NFIA: variants seen among roughly 807,000 people sequenced by gnomAD.
The protein encoded by NFIA is nuclear factor 1 A-type.
Under a neutral mutation model 62.8 loss-of-function variants are expected in NFIA, and 8 were observed. The observed-to-expected ratio is 0.13, with a 90% CI of 0.07 to 0.23. The LOEUF (loss-of-function observed/expected upper bound fraction) is 0.23. Ranked by LOEUF, NFIA falls within the 10% of genes least tolerant of loss-of-function variation. The pLI is 1.00. For synonymous variants in NFIA, 235 were observed against 238.1 expected, an observed-to-expected ratio of 0.99 and a Z score of 0.12; for missense variants, 410 against 642.1, an observed-to-expected ratio of 0.64 and a Z score of 3.91.
chr1:61,405,614 G>A (rs184728972), intron 8 of NFIA, among the ~76,000 whole-genome samples: 1 of 152,232 alleles, frequency 6.6e-6, no homozygotes, highest in East Asian at 1.9e-4. Context: ...AAAAAACTGA[G>A]CTGATCACCA....
Position 61,201,248 on chromosome 1 carries a change from G to A in NFIA, c.560-76272G>A, listed in dbSNP as rs916364888. 1.4e-4 allele frequency among the ~76,000 whole-genome samples: 21 copies of A among 152,246 alleles called. 1 individual carries two copies. Among genetic ancestry groups the A allele is most frequent in the African/African-American group, 4.8e-4 (20 of 41,552 alleles). On this transcript the variant is annotated intron_variant, in intron 2 of 10. Transcript: ENST00000403491. ...ATTGTTGATAATTTTATGAGCCATTGTACTAATTTTAATCGACACATCCGC... is the reference window on the plus strand; with the variant it reads ...ATTGTTGATAATTTTATGAGCCATTATACTAATTTTAATCGACACATCCGC...
rs11336299 is a variant in NFIA, at chr1:61,453,443, CTTTTTTTT to C, written c.1513-1843_1513-1836del. 1.6e-3 allele frequency among the ~76,000 whole-genome samples: 128 copies of C among 78,900 alleles called. 1 individual carries two copies. The East Asian group carries it at 0.042, about 26-fold the overall frequency. 51.8% of individuals were successfully genotyped at this position (78,900 alleles called of 152,430 possible). A position where few individuals can be genotyped will look rare whatever the true frequency, so the allele number is the denominator to read the frequency against. On this transcript the variant is annotated intron_variant, in intron 10 of 10. Transcript: ENST00000403491. ...CTGAATAGTAAGATGTGTGAAGAAACTTTTTTTTTTTTTTTTTTTTTTTTGCTTTGCTT... is the reference window on the plus strand; with the variant it reads ...CTGAATAGTAAGATGTGTGAAGAAACTTTTTTTTTTTTTTTTGCTTTGCTT...
chr1:61,241,054 A>C (rs2100645251), intron 2 of NFIA, among the ~76,000 whole-genome samples: 1 of 151,296 alleles, frequency 6.6e-6, no homozygotes, highest in Admixed American at 6.6e-5. Context: ...GTGCTGCATG[A>C]CTCCTTAAGA....
At position 61,241,981 on chromosome 1, in the gene NFIA, C is replaced by T. The variant is rs1034011758; in HGVS notation, c.560-35539C>T. Among the ~76,000 whole-genome samples the T allele has an allele frequency of 1.6e-4, 24 of 152,082 alleles. 1 individual carries two copies. ...GATCGAAGAGCGTTAACTAAGACTTCGGGCTGTGCCTTTTTGTACTGCTTG... is the reference window on the plus strand; with the variant it reads ...GATCGAAGAGCGTTAACTAAGACTTTGGGCTGTGCCTTTTTGTACTGCTTG... On this transcript the variant is annotated intron_variant, in intron 2 of 10. Transcript: ENST00000403491.
chr1:61,413,811 G>A (rs796382560), intron 9 of NFIA, among the ~76,000 whole-genome samples: 1 of 151,054 alleles, frequency 6.6e-6, no homozygotes, highest in African/African-American at 2.4e-5. Context: ...ATTTTTTAGT[G>A]GAGACAGGGT....
intron 2 of NFIA, among the ~76,000 whole-genome samples, chr1:61,184,146 A>C (rs946961833): frequency 5.4e-5 from 6 of 110,102 alleles, no homozygotes; most frequent in African/African-American, 9.5e-5. Context: ...AAAAAAACCC[A>C]AAAAAACAAA....
intron 2 of NFIA, among the ~76,000 whole-genome samples, chr1:61,234,626 G>T (rs1306770870): frequency 1.3e-5 from 2 of 152,082 alleles, no homozygotes; most frequent in African/African-American, 4.8e-5. Context: ...CTAATGGTTA[G>T]CTCTAGTCCC....
intron 2 of NFIA, among the ~76,000 whole-genome samples, chr1:61,197,512 C>G (rs973474729): frequency 6.6e-6 from 1 of 151,192 alleles, no homozygotes; most frequent in African/African-American, 2.4e-5. Context: ...GCTGGGATTA[C>G]AAGCGTGAGC....
At chr1:61,119,768 T>C (rs1474983770) in intron 2 of NFIA, among the ~76,000 whole-genome samples, 1 of 152,200 alleles carries the variant, frequency 6.6e-6, no homozygotes. Flanking sequence ...GAAATACTTA[T>C]TATGAGAGTA....
chr1:61,182,625 A>T (rs779793209), intron 2 of NFIA, among the ~76,000 whole-genome samples: 10 of 152,216 alleles, frequency 6.6e-5, no homozygotes, highest in Non-Finnish European at 1.5e-4. Flanking sequence ...TGTGTATTTT[A>T]TTTGAAACAG....
chr1:61,460,608 A>G lies in NFIA; in HGVS notation c.*5288A>G, dbSNP rs1482779874. The G allele has an allele frequency of 1.3e-5, 2 of 152,184 alleles. No homozygotes were observed. Among genetic ancestry groups the G allele is most frequent in the African/African-American group, 2.4e-5 (1 of 41,462 alleles). The allele number at this position is 152,184 out of a possible 1,614,324, so 9.4% of individuals were successfully genotyped here. A position where few individuals can be genotyped will look rare whatever the true frequency, so the allele number is the denominator to read the frequency against. On this transcript the variant is annotated 3_prime_UTR_variant, in exon 11 of 11. Coordinates refer to ENST00000403491, the MANE Select transcript of NFIA (RefSeq NM_001134673.4). ...TACTTCAATCCTTGCCTTTTTGGTC[A>G]TTGTTATAATGCCAGCTTTAGGACA...
chr1:61,360,004 G>C (rs186353484), intron 6 of NFIA, among the ~76,000 whole-genome samples: 2 of 152,030 alleles, frequency 1.3e-5, no homozygotes, highest in African/African-American at 2.4e-5. Context: ...AAGAAGAATG[G>C]GTTCCTTGCG....
chr1:61,437,541 G>A (rs1286734329), intron 10 of NFIA, among the ~76,000 whole-genome samples: 1 of 152,076 alleles, frequency 6.6e-6, no homozygotes, highest in Non-Finnish European at 1.5e-5. Flanking sequence ...TATGTTCCTG[G>A]CACCATACTA....
chr1:61,440,671 T>C (rs773064547), intron 10 of NFIA, among the ~76,000 whole-genome samples: 1 of 152,142 alleles, frequency 6.6e-6, no homozygotes, highest in Non-Finnish European at 1.5e-5. Context: ...GATGCTTTTT[T>C]TTTTCTTTTC....
intron 2 of NFIA, among the ~76,000 whole-genome samples, chr1:61,204,669 C>A (rs1289463563): frequency 6.6e-6 from 1 of 152,058 alleles, no homozygotes; most frequent in Admixed American, 6.6e-5. Context: ...CTTCTGCCCC[C>A]CCCACCCTTG....
chr1:61,099,560 TA>T (rs1185039605), intron 2 of NFIA, among the ~76,000 whole-genome samples: 24 of 152,306 alleles, frequency 1.6e-4, no homozygotes, highest in East Asian at 1.5e-3. Context: ...TTGCATTTTT[TA>T]AAAAAATTTT....
intron 2 of NFIA, among the ~76,000 whole-genome samples, chr1:61,121,535 G>C (rs990639950): frequency 1.3e-5 from 2 of 152,074 alleles, no homozygotes; most frequent in Non-Finnish European, 2.9e-5. Context: ...TGTTCATCTG[G>C]AATCAGTTTT....
intron 3 of NFIA, 139 bp downstream of exon 3, chr1:61,277,724 T>A: frequency 1.3e-6 from 1 of 770,012 alleles, no homozygotes; most frequent in Non-Finnish European, 2.1e-6. Flanking sequence ...AAAACTCAAG[T>A]AGATTACTTT....
intron 7 of NFIA, among the ~76,000 whole-genome samples, chr1:61,387,478 T>TTG: frequency 7.0e-6 from 1 of 142,852 alleles, no homozygotes; most frequent in African/African-American, 2.6e-5. Flanking sequence ...CTTTTTTTTT[T>TTG]TTTTTTTTTT....
Sources: allele counts gnomAD v4.1 joint callset (sites outside exome capture counted in the v4.1 genomes callset), GRCh38; gene constraint gnomAD v4.1.1; transcripts MANE v1.5; gene names NCBI Gene and HGNC (gene_info 2026-07-23, HGNC 2026-07-21).